RIT2: variants seen among roughly 807,000 people sequenced by gnomAD.
RIT2 encodes Ras like without CAAX 2.
RIT2 carries 24 observed loss-of-function variants against 23.7 expected under a neutral mutation model. The observed-to-expected ratio is 1.01, with a 90% CI of 0.73 to 1.43. The LOEUF (loss-of-function observed/expected upper bound fraction) is 1.43, where lower values mean the gene tolerates loss of function less well. Among genes scored for constraint, RIT2 ranks in the 40% most tolerant of loss-of-function variants. RIT2 has a pLI of 0.00. For missense variants in RIT2, 236 were observed against 266.9 expected (o/e 0.88, Z 0.81); for synonymous variants, 107 against 91.1 (o/e 1.17, Z -0.99).
intron 1 of RIT2, among the ~76,000 whole-genome samples, chr18:43,093,696 G>T (rs528292077): frequency 2.0e-4 from 31 of 152,110 alleles, no homozygotes; most frequent in Admixed American, 7.2e-4. Context: ...AAAAAGAGAA[G>T]AAATGAGCTA....
intron 1 of RIT2, among the ~76,000 whole-genome samples, chr18:43,057,686 G>A (rs1055621121): frequency 6.6e-6 from 1 of 151,688 alleles, no homozygotes; most frequent in East Asian, 1.9e-4. Flanking sequence ...TAAGATTAGG[G>A]GTATAGCACC....
chr18:42,994,573 C>A (rs1199342517), intron 2 of RIT2, among the ~76,000 whole-genome samples: 2 of 152,124 alleles, frequency 1.3e-5, no homozygotes, highest in Non-Finnish European at 1.5e-5. Flanking sequence ...AGACTGCCCC[C>A]ACCCTAGCTC....
intron 2 of RIT2, among the ~76,000 whole-genome samples, chr18:42,990,007 ATATGTG>A (rs1303440211): frequency 8.5e-5 from 6 of 70,306 alleles, no homozygotes; most frequent in African/African-American, 1.2e-4. Context: ...GTATTTACAG[ATATGTG>A]TGTGTGTGTG....
intron 1 of RIT2, among the ~76,000 whole-genome samples, chr18:43,078,916 A>G (rs1230792575): frequency 6.6e-6 from 1 of 152,204 alleles, no homozygotes; most frequent in Non-Finnish European, 1.5e-5. Flanking sequence ...GAGCAGGGAC[A>G]CTGTAAAAGA....
At chr18:43,077,540 T>C (rs1169517064) in intron 1 of RIT2, among the ~76,000 whole-genome samples, 1 of 152,216 alleles carries the variant, frequency 6.6e-6, no homozygotes, top group Non-Finnish European at 1.5e-5. Context: ...TTTATCATTA[T>C]TACATTTTTA....
intron 4 of RIT2, among the ~76,000 whole-genome samples, chr18:42,802,352 C>A (rs1303623501): frequency 6.6e-6 from 1 of 152,046 alleles, no homozygotes; most frequent in African/African-American, 2.4e-5. Context: ...AAAGTAAATG[C>A]AATTTTGAGT....
intron 4 of RIT2, among the ~76,000 whole-genome samples, chr18:42,871,820 C>T (rs1907628038): frequency 6.6e-6 from 1 of 152,200 alleles, no homozygotes; most frequent in South Asian, 2.1e-4. Flanking sequence ...TATACATTAA[C>T]TTAAGAGTGG....
At chr18:43,048,378 G>A (rs1302370634) in intron 1 of RIT2, among the ~76,000 whole-genome samples, 2 of 152,104 alleles carry the variant, frequency 1.3e-5, no homozygotes, top group Non-Finnish European at 2.9e-5. Context: ...AGGTATTTAG[G>A]TTGTGAGATT....
intron 3 of RIT2, 35 bp downstream of exon 3, chr18:42,974,039 C>T: frequency 7.0e-7 from 1 of 1,424,374 alleles, no homozygotes; most frequent in Non-Finnish European, 9.8e-7. Context: ...ATAAAATAAA[C>T]TCAGAGATTG....
chr18:42,764,720 A>T (rs961953158), intron 4 of RIT2, among the ~76,000 whole-genome samples: 16 of 152,332 alleles, frequency 1.1e-4, no homozygotes, highest in Admixed American at 9.8e-4. Context: ...ATATTTTTTG[A>T]ATGGATTGGA....
At chr18:42,969,756 G>T (rs560382129) in intron 3 of RIT2, among the ~76,000 whole-genome samples, 4 of 151,492 alleles carry the variant, frequency 2.6e-5, no homozygotes, top group Admixed American at 2.0e-4. Context: ...CATTTATAAA[G>T]TAAACATGAT....
intron 4 of RIT2, among the ~76,000 whole-genome samples, chr18:42,785,855 C>A (rs1041371889): frequency 6.6e-6 from 1 of 152,132 alleles, no homozygotes; most frequent in Non-Finnish European, 1.5e-5. Flanking sequence ...AGAATACTGA[C>A]GGCAGGGTAA....
At chr18:42,794,965 AAGAC>A (rs1460603651) in intron 4 of RIT2, among the ~76,000 whole-genome samples, 1 of 152,248 alleles carries the variant, frequency 6.6e-6, no homozygotes, top group Non-Finnish European at 1.5e-5. Flanking sequence ...TAATATGTCA[AAGAC>A]AGTAGAAAAA....
intron 3 of RIT2, among the ~76,000 whole-genome samples, chr18:42,957,333 T>C (rs943004746): frequency 2.2e-4 from 33 of 152,174 alleles, no homozygotes; most frequent in African/African-American, 7.2e-4. Context: ...TTCAGAATTA[T>C]AGATTTTTAA....
intron 1 of RIT2, among the ~76,000 whole-genome samples, chr18:43,043,711 A>C (rs1040054549): frequency 6.6e-6 from 1 of 152,144 alleles, no homozygotes; most frequent in East Asian, 1.9e-4. Context: ...AATTGCTTCA[A>C]TCAGGGAGGT....
At chr18:42,784,357 G>C (rs1011974984) in intron 4 of RIT2, among the ~76,000 whole-genome samples, 2 of 151,792 alleles carry the variant, frequency 1.3e-5, no homozygotes, top group African/African-American at 4.8e-5. Flanking sequence ...TGGTGGATTT[G>C]AAAATACTTG....
chr18:43,043,746 C>T (rs1014310784), intron 1 of RIT2, among the ~76,000 whole-genome samples: 3 of 152,170 alleles, frequency 2.0e-5, no homozygotes, highest in South Asian at 2.1e-4. Flanking sequence ...GCTGAGATAG[C>T]TGAGATAGTG....
intron 4 of RIT2, among the ~76,000 whole-genome samples, chr18:42,764,153 A>T (rs1158621946): frequency 6.6e-6 from 1 of 152,226 alleles, no homozygotes; most frequent in Non-Finnish European, 1.5e-5. Context: ...ACTGTTACAC[A>T]TGAGTTTCAT....
chr18:42,797,978 TC>T lies in RIT2; in HGVS notation c.427-54259del, dbSNP rs1373417563. Among the ~76,000 whole-genome samples, 3 of 151,954 alleles carry T rather than the reference TC, an allele frequency of 2.0e-5. No homozygotes were observed. The East Asian group carries it at 5.8e-4, about 29-fold the overall frequency. On this transcript the variant is annotated intron_variant, in intron 4 of 4. Coordinates refer to ENST00000326695, the MANE Select transcript of RIT2 (RefSeq NM_002930.4). ...TTTGCCAAATATCAGGTTTGTGTCA[TC>T]CTCTATATTTCCTTTCAGATCTACA... is the stretch of plus-strand genomic sequence containing the variant.
Sources: gnomAD v4.1 joint callset for allele counts (sites outside exome capture counted in the v4.1 genomes callset) on GRCh38, gnomAD v4.1.1 for gene constraint, MANE v1.5 for transcripts, NCBI Gene and HGNC (gene_info 2026-07-23, HGNC 2026-07-21) for gene names.